The following FREM1 variants were observed in gnomAD, a reference collection of about 807,000 sequenced individuals.
FREM1 encodes the protein FRAS1 related extracellular matrix 1.
FREM1 carries 220 observed loss-of-function variants against 210.1 expected under a neutral mutation model. That is an observed-to-expected ratio of 1.05 (90% CI 0.94 to 1.17). The LOEUF is 1.17. FREM1 is among the 50% of genes most tolerant of loss of function. The pLI, the probability that FREM1 is intolerant of heterozygous loss-of-function variation, is 0.00. For synonymous variants in FREM1, 1,189 were observed against 980.2 expected (o/e 1.21, Z -3.98); for missense variants, 3,454 against 2,675.5 (o/e 1.29, Z -6.42).
At chr9:14,762,552 T>G (rs1242369442) in intron 27 of FREM1, among the ~76,000 whole-genome samples, 2 of 152,198 alleles carry the variant, frequency 1.3e-5, no homozygotes, top group African/African-American at 4.8e-5. Flanking sequence ...GATGCACCAT[T>G]TGAATGCTGC....
chr9:14,835,106 C>G (rs1334905943), intron 10 of FREM1, among the ~76,000 whole-genome samples: 1 of 152,174 alleles, frequency 6.6e-6, no homozygotes, highest in African/African-American at 2.4e-5. Flanking sequence ...TCACAAATAT[C>G]AAGCAAAACA....
At chr9:14,793,040 C>G (rs1851700468) in intron 21 of FREM1, among the ~76,000 whole-genome samples, 156 bp from the exon 22 acceptor site, 1 of 152,224 alleles carries the variant, frequency 6.6e-6, no homozygotes, top group African/African-American at 2.4e-5. Context: ...AGGAATGAAA[C>G]AGGCTCTCTA....
chr9:14,815,120 G>T (rs1020854327), intron 15 of FREM1, among the ~76,000 whole-genome samples: 1 of 152,176 alleles, frequency 6.6e-6, no homozygotes, highest in Non-Finnish European at 1.5e-5. Context: ...AGATTGCCTT[G>T]TTCCTGGCAT....
Position 14,812,935 on chromosome 9 carries a change from A to G in FREM1, c.2770T>C (p.Leu924=), listed in dbSNP as rs754630696. The change falls in exon 16 of 37, where the codon TTG becomes CTG. Residue 924 remains leucine, a synonymous_variant. Coordinates refer to ENST00000380880, the MANE Select transcript of FREM1 (RefSeq NM_001379081.2). ...IFATDVDSDN[L]KLMFVIAREP... ...CGAGCAATCACAAACATCAACTTCA[A>G]GTTATCGCTGTCCACATCAGTAGCA... 6.2e-7 allele frequency: 1 copy of G among 1,613,932 alleles called. No homozygotes were observed. Among genetic ancestry groups the G allele is most frequent in the Non-Finnish European group, 8.5e-7 (1 of 1,179,862 alleles).
Position 14,841,482 on chromosome 9 carries a change from C to A in FREM1, c.1846G>T (p.Asp616Tyr). Residue 616 changes from aspartate to tyrosine, a missense_variant, in exon 10 of 37, where the codon GAC (aspartate) becomes TAC (tyrosine). Physicochemically the swap from Asp to Tyr is radical, Grantham distance 160. Transcript: ENST00000380880. ...GAAAGATTTGGAGGTTCATGGCTGTCCCACAGGACAAATTGAAAAGAATCT... is the reference window on the plus strand; with the variant it reads ...GAAAGATTTGGAGGTTCATGGCTGTACCACAGGACAAATTGAAAAGAATCT... Reference protein sequence around the residue: ...FEDSFQFVLWDSHEPPNLSVP... With the variant: ...FEDSFQFVLWYSHEPPNLSVP... The A allele has an allele frequency of 6.2e-7, 1 of 1,611,190 alleles. No individual in the cohort carries two copies. The highest frequency in any genetic ancestry group is 1.1e-5 in the South Asian group (1 of 90,652).
chr9:14,741,982 G>A (rs934580842), intron 35 of FREM1, among the ~76,000 whole-genome samples: 8 of 152,176 alleles, frequency 5.3e-5, no homozygotes, highest in Non-Finnish European at 8.8e-5. Flanking sequence ...AGTGAGATGG[G>A]AAGATAGCTC....
At chr9:14,828,047 G>C (rs139687261) in intron 10 of FREM1, among the ~76,000 whole-genome samples, 2 of 152,248 alleles carry the variant, frequency 1.3e-5, no homozygotes, top group African/African-American at 4.8e-5. Flanking sequence ...CTCAGGTGCA[G>C]GGCTGCTGCA....
rs768237506 is a variant in FREM1 at position 14,778,169 on chromosome 9, T to C, written c.4443-1966A>G. On this transcript the variant is annotated intron_variant, in intron 24 of 36. Coordinates refer to ENST00000380880, the MANE Select transcript of FREM1 (RefSeq NM_001379081.2). ...AGGTATTCAGTTACCTTTAGAATTATAGATTGAGCAAAATCACATAATTTT... is the reference window on the plus strand; with the variant it reads ...AGGTATTCAGTTACCTTTAGAATTACAGATTGAGCAAAATCACATAATTTT... Among the ~76,000 whole-genome samples, 34 of 152,300 alleles carry C rather than the reference T, an allele frequency of 2.2e-4. No homozygotes were observed. The Middle Eastern group carries it at 0.014, about 61-fold the overall frequency.
chr9:14,811,577 C>CT (rs1339448253), intron 16 of FREM1, among the ~76,000 whole-genome samples: 1 of 151,974 alleles, frequency 6.6e-6, no homozygotes, highest in Non-Finnish European at 1.5e-5. Flanking sequence ...GAAAGCTTTC[C>CT]TAAGACTAAA....
chr9:14,809,302 G>A (rs1037858576), intron 16 of FREM1, among the ~76,000 whole-genome samples: 12 of 152,064 alleles, frequency 7.9e-5, no homozygotes, highest in African/African-American at 9.7e-5. Context: ...GCCCAATTTC[G>A]GGTATGTCTT....
intron 4 of FREM1, among the ~76,000 whole-genome samples, chr9:14,858,309 T>C (rs1321383057): frequency 6.6e-6 from 1 of 152,134 alleles, no homozygotes; most frequent in Non-Finnish European, 1.5e-5. Context: ...TCTTCACATC[T>C]CTAACCAAAT....
At chr9:14,861,351 A>ACATATATATACG (rs1588446820) in intron 3 of FREM1, among the ~76,000 whole-genome samples, 2 of 129,332 alleles carry the variant, frequency 1.5e-5, no homozygotes, top group Non-Finnish European at 3.2e-5. Context: ...ATATATATAC[A>ACATATATATACG]TATATACACA....
intron 18 of FREM1, among the ~76,000 whole-genome samples, chr9:14,806,024 C>T (rs1481651731): frequency 6.6e-6 from 1 of 152,098 alleles, no homozygotes; most frequent in Non-Finnish European, 1.5e-5. Context: ...TGTGAGCTCC[C>T]GCTAGATTCA....
At chr9:14,791,999 C>T (rs181690152) in intron 22 of FREM1, among the ~76,000 whole-genome samples, 3 of 152,136 alleles carry the variant, frequency 2.0e-5, no homozygotes, top group Non-Finnish European at 4.4e-5. Flanking sequence ...TGTGTGCTGC[C>T]ACACCCGGCT....
chr9:14,895,922 G>C (rs1837632903), intron 1 of FREM1, among the ~76,000 whole-genome samples: 1 of 152,048 alleles, frequency 6.6e-6, no homozygotes, highest in Non-Finnish European at 1.5e-5. Context: ...AAAAGGGAGG[G>C]GGGAAATGTC....
At position 14,788,950 on chromosome 9, in the gene FREM1, G is replaced by C; in HGVS notation, c.4146C>G (p.Asp1382Glu). Residue 1382 changes from aspartate to glutamate, a missense_variant, in exon 23 of 37, where the codon GAC (aspartate) becomes GAG (glutamate). Physicochemically the swap from Asp to Glu is conservative, Grantham distance 45. Coordinates refer to ENST00000380880, the MANE Select transcript of FREM1 (RefSeq NM_001379081.2). ...CCATGTCCTTGATGGTGATTTGACA[G>C]TCAAGAGCAGGGGACCTGTTGTTGC... is the stretch of plus-strand genomic sequence containing the variant. ...WDGNNRSPAL[D>E]CQITIKDMEK... 6.2e-7 allele frequency: 1 copy of C among 1,612,960 alleles called. No individual in the cohort carries two copies.
At chr9:14,873,242 T>G (rs559217781) in intron 1 of FREM1, among the ~76,000 whole-genome samples, 3 of 152,176 alleles carry the variant, frequency 2.0e-5, no homozygotes, top group Admixed American at 2.0e-4. Context: ...TCAGAAGGAA[T>G]GGTACCAGCT....
At chr9:14,860,682 T>TATATACACACATATAC (rs1564100208) in intron 3 of FREM1, among the ~76,000 whole-genome samples, 10 of 110,060 alleles carry the variant, frequency 9.1e-5, no homozygotes, top group African/African-American at 3.6e-4. Context: ...CACACATATA[T>TATATACACACATATAC]ACACATATAT....
At position 14,740,625 on chromosome 9, in the gene FREM1, T is replaced by C. The variant is rs568069418; in HGVS notation, c.6255-391A>G. Among the ~76,000 whole-genome samples, 38 of 152,202 alleles carry C rather than the reference T, an allele frequency of 2.5e-4. 1 individual carries two copies. The highest frequency in any genetic ancestry group is 3.7e-4 in the Non-Finnish European group (25 of 68,026). On this transcript the variant is annotated intron_variant, in intron 35 of 36. Transcript: ENST00000380880. The stretch of plus-strand genomic sequence containing the variant: ...TAAATTTGGCAAATACCAAGTTAAT[T>C]TGATGAGTAAGTTAACCCAAACTAA...
Sources: gnomAD v4.1 joint callset for allele counts (sites outside exome capture counted in the v4.1 genomes callset) on GRCh38, gnomAD v4.1.1 for gene constraint, MANE v1.5 for transcripts, NCBI Gene and HGNC (gene_info 2026-07-23, HGNC 2026-07-21) for gene names.